The following SETD1B variants were observed in gnomAD, a reference collection of about 807,000 sequenced individuals.
The protein encoded by SETD1B is histone-lysine N-methyltransferase SETD1B.
Under a neutral mutation model 148.0 loss-of-function variants are expected in SETD1B, and 7 were observed. The observed-to-expected ratio is 0.05, with a 90% CI of 0.03 to 0.09. The LOEUF is 0.09. Ranked by LOEUF, SETD1B falls within the 10% of genes least tolerant of loss-of-function variation. SETD1B has a pLI of 1.00. For synonymous variants in SETD1B, 1,361 were observed against 1,186.5 expected, an observed-to-expected ratio of 1.15 and a Z score of -3.02; for missense variants, 2,155 against 2,729.9, an observed-to-expected ratio of 0.79 and a Z score of 4.69.
upstream of SETD1B, chr12:121,799,391 C>T (rs1042449570): frequency 3.3e-5 from 5 of 152,174 alleles, no homozygotes; most frequent in African/African-American, 1.2e-4. Flanking sequence ...GCCGGAACCT[C>T]GGGTCTCTGT....
intron 7 of SETD1B, among the ~76,000 whole-genome samples, chr12:121,816,825 A>G (rs555171193): frequency 2.3e-4 from 35 of 152,376 alleles, no homozygotes; most frequent in South Asian, 2.3e-3. Flanking sequence ...CCTATTCTAC[A>G]GGGGAGGACA....
Position 121,806,032 on chromosome 12 carries a change from C to T in SETD1B, c.471C>T (p.Ala157=), listed in dbSNP as rs1875723236. The T allele has an allele frequency of 6.4e-7, 1 of 1,551,678 alleles. No homozygotes were observed. Among genetic ancestry groups the T allele is most frequent in the Non-Finnish European group, 8.7e-7 (1 of 1,146,988 alleles). Residue 157 remains alanine (A), a synonymous_variant, in exon 4 of 17, where the codon GCC becomes GCT. Coordinates refer to ENST00000604567, the MANE Select transcript of SETD1B (RefSeq NM_001353345.2). ...AKVVFATVRG[A]KDAVQHLHST... ...TGGTCTTTGCCACGGTCCGGGGAGC[C>T]AAGGATGCCGTTCAGCACTTGCACA...
At chr12:121,801,666 G>C (rs775316036), upstream of SETD1B, 5 of 152,420 alleles carry the variant, frequency 3.3e-5, no homozygotes, top group Admixed American at 2.6e-4. Flanking sequence ...TGATTTAGTT[G>C]GGAAATTTGG....
In SETD1B at chr12:121,805,220, G is replaced by C. The variant is rs2137542584; in HGVS notation, c.273+4G>C. On this transcript the variant is annotated splice_donor_region_variant and intron_variant, in intron 3 of 16. Transcript: ENST00000604567. The surrounding 1 kb of genome is among the most constrained non-coding windows in gnomAD (Gnocchi z 4.2). Reference sequence around the variant, plus strand: ...GCTGTCGGTGCCCAAATTCAAGGTAGGACCCCTCCCCACTGCCCCGCCGTC... The same window carrying C: ...GCTGTCGGTGCCCAAATTCAAGGTACGACCCCTCCCCACTGCCCCGCCGTC... 6.5e-7 allele frequency: 1 copy of C among 1,549,268 alleles called. No homozygotes were observed. Among genetic ancestry groups the C allele is most frequent in the African/African-American group, 1.4e-5 (1 of 73,066 alleles).
chr12:121,795,577 C>G, the SETD1B span: 1 of 152,294 alleles, frequency 6.6e-6, no homozygotes, highest in Non-Finnish European at 1.5e-5. Flanking sequence ...GCCTGCCAGG[C>G]TCCACAGGAG....
In SETD1B at chr12:121,819,476, T is replaced by C; in HGVS notation, c.3491T>C (p.Phe1164Ser). The change falls in exon 11 of 17, where the codon TTT (phenylalanine) becomes TCT (serine). Residue 1164 changes from phenylalanine (F) to serine (S), a missense_variant. By Grantham distance (155) the Phe-to-Ser change is radical. Around this residue, in one of 11 missense-constraint regions of SETD1B, gnomAD observed 862 missense variants for 873.8 expected, o/e 0.99. Transcript: ENST00000604567. ...AGTGAGAGTTCCGAGTCTTCTGAGTTTGAGTCAAGCTCCGAGTCCTCGCCC... is the reference window on the plus strand; with the variant it reads ...AGTGAGAGTTCCGAGTCTTCTGAGTCTGAGTCAAGCTCCGAGTCCTCGCCC... Reference protein sequence around the residue: ...SSSESSESSEFESSSESSPSS... With the variant: ...SSSESSESSESESSSESSPSS... 6 of 1,552,226 alleles carry C rather than the reference T, an allele frequency of 3.9e-6. No individual in the cohort carries two copies. The highest frequency in any genetic ancestry group is 5.2e-6 in the Non-Finnish European group (6 of 1,147,096).
chr12:121,807,193 C>T (rs1875785525), intron 4 of SETD1B, among the ~76,000 whole-genome samples: 1 of 152,124 alleles, frequency 6.6e-6, no homozygotes, highest in African/African-American at 2.4e-5. Flanking sequence ...AGTTATTCCA[C>T]GCACACTTGC....
At chr12:121,806,129 TG>T (rs1875726700) in intron 4 of SETD1B, 24 bp downstream of exon 4, 1 of 1,545,156 alleles carries the variant, frequency 6.5e-7, no homozygotes, top group Admixed American at 2.0e-5. Context: ...GGGAGGAGCG[TG>T]GGGAGACCTG....
chr12:121,796,429 A>G, the SETD1B span, among the ~76,000 whole-genome samples: 2 of 152,236 alleles, frequency 1.3e-5, no homozygotes, highest in Non-Finnish European at 2.9e-5. Context: ...GCAGGGGCCC[A>G]GCCACTGCTG....
chr12:121,822,990 G>C lies in SETD1B; in HGVS notation c.4411G>C (p.Gly1471Arg). The C allele has an allele frequency of 6.5e-7, 1 of 1,532,828 alleles. No individual in the cohort carries two copies. The highest frequency in any genetic ancestry group is 8.8e-7 in the Non-Finnish European group (1 of 1,141,104). The allele number at this position is 1,532,828 out of a possible 1,614,324, so 95.0% of individuals were successfully genotyped here. A position where few individuals can be genotyped will look rare whatever the true frequency, so the allele number is the denominator to read the frequency against. ...PLASPVLLETGLPLPLPLPLP... is the reference protein window; with the variant it reads ...PLASPVLLETRLPLPLPLPLP... ...GGCCTCCCCGGTGCTCCTGGAGACG[G>C]GCCTGCCCCTCCCTCTGCCCCTTCC... The change falls in exon 12 of 17, where the codon GGC (glycine) becomes CGC (arginine). Residue 1471 changes from glycine (G) to arginine (R), a missense_variant. This residue lies in a region of SETD1B where 862 missense variants were observed against 873.8 expected (regional missense o/e 0.99). Coordinates refer to ENST00000604567, the MANE Select transcript of SETD1B (RefSeq NM_001353345.2).
chr12:121,821,491 T>C (rs1373163519), intron 11 of SETD1B, among the ~76,000 whole-genome samples: 1 of 149,872 alleles, frequency 6.7e-6, no homozygotes, highest in Non-Finnish European at 1.5e-5. Context: ...GGCTCACACC[T>C]GTAATCCCAG....
At chr12:121,792,612 C>T in the SETD1B span, among the ~76,000 whole-genome samples, 1 of 152,238 alleles carries the variant, frequency 6.6e-6, no homozygotes, top group African/African-American at 2.4e-5. Flanking sequence ...AACTGCAAGC[C>T]GTGGAATCCT....
At chr12:121,803,797 T>C (rs1875537717), upstream of SETD1B, 1 of 149,804 alleles carries the variant, frequency 6.7e-6, no homozygotes, top group African/African-American at 2.5e-5. The surrounding 1 kb of genome is among the most constrained non-coding windows in gnomAD (Gnocchi z 4.7). Flanking sequence ...GAAAAATAAA[T>C]AAATTAAAAG....
chr12:121,797,390 G>A, the SETD1B span: 1 of 448,482 alleles, frequency 2.2e-6, no homozygotes, highest in Admixed American at 2.4e-5. Flanking sequence ...GTGACCGGTG[G>A]GCGGGGCGCC....
intron 7 of SETD1B, among the ~76,000 whole-genome samples, chr12:121,815,254 C>T (rs1005542946): frequency 1.3e-5 from 2 of 152,092 alleles, no homozygotes; most frequent in African/African-American, 4.8e-5. Flanking sequence ...TAGCAAGAGC[C>T]CATCTCTAAA....
In SETD1B at chr12:121,830,245, G is replaced by A. The variant is rs891041787; in HGVS notation, c.*6G>A. 22 of 1,549,000 alleles carry A rather than the reference G, an allele frequency of 1.4e-5. No homozygotes were observed. Among genetic ancestry groups the A allele is most frequent in the Middle Eastern group, 1.9e-4 (1 of 5,254 alleles). ...GCCGGGGGACCCTCAACTAGGCCCC[G>A]GCACCAGACTCAAAGGATGTCAGCC... On this transcript the variant is annotated 3_prime_UTR_variant, in exon 17 of 17. Coordinates refer to ENST00000604567, the MANE Select transcript of SETD1B (RefSeq NM_001353345.2). The surrounding 1 kb of genome is among the most constrained non-coding windows in gnomAD (Gnocchi z 5.7).
chr12:121,826,439 A>G (rs1267896388), intron 13 of SETD1B, among the ~76,000 whole-genome samples: 1 of 152,182 alleles, frequency 6.6e-6, no homozygotes, highest in Non-Finnish European at 1.5e-5. Context: ...AGTTAAAACC[A>G]GAGAGGGGCT....
At chr12:121,811,873 C>G (rs183726500) in intron 6 of SETD1B, among the ~76,000 whole-genome samples, 2 of 152,252 alleles carry the variant, frequency 1.3e-5, no homozygotes, top group Non-Finnish European at 2.9e-5. Context: ...TGGTTTCTGG[C>G]ATCAAGGGGT....
chr12:121,814,618 G>A lies in SETD1B; in HGVS notation c.2403G>A (p.Ala801=), dbSNP rs748729349. 1.6e-5 allele frequency: 24 copies of A among 1,543,170 alleles called. No homozygotes were observed. Among genetic ancestry groups the A allele is most frequent in the African/African-American group, 4.1e-5 (3 of 72,678 alleles). Residue 801 remains alanine, a synonymous_variant, in exon 7 of 17, where the codon GCG becomes GCA. Transcript: ENST00000604567. The stretch of plus-strand genomic sequence containing the variant: ...CCTACCCGCCCTTCATGGCCGCTGC[G>A]GCCGCCGCTGCCTCAGCTGGGCTCC... The part of the protein sequence containing the change: ...ACPYPPFMAA[A]AAAASAGLQF...
Sources: allele counts gnomAD v4.1 joint callset (sites outside exome capture counted in the v4.1 genomes callset), GRCh38; gene constraint gnomAD v4.1.1; regional missense constraint gnomAD v4.1.1; non-coding constraint Gnocchi (gnomAD v3.1); transcripts MANE v1.5; gene names NCBI Gene and HGNC (gene_info 2026-07-23, HGNC 2026-07-21).